Variants in SHANK2 observed in about 807,000 individuals in gnomAD.
The protein encoded by SHANK2 is SH3 and multiple ankyrin repeat domains protein 2.
A neutral mutation model predicts 133.7 loss-of-function variants in SHANK2; 43 were observed. The ratio of observed to expected loss-of-function variants is 0.32; its 90% CI spans 0.25 to 0.41. The LOEUF (loss-of-function observed/expected upper bound fraction) is 0.41, where lower values mean the gene tolerates loss of function less well. SHANK2 is among the 10% of genes least tolerant of loss of function. SHANK2 has a pLI of 1.00. For missense variants in SHANK2, 1,994 were observed against 2,235.8 expected (o/e 0.89, Z 2.18); for synonymous variants, 1,017 against 952.8 (o/e 1.07, Z -1.24).
intron 10 of SHANK2, among the ~76,000 whole-genome samples, chr11:70,897,281 G>A (rs1555075889): frequency 6.6e-6 from 1 of 152,226 alleles, no homozygotes; most frequent in African/African-American, 2.4e-5. Context: ...CTCAGAAGGA[G>A]AGACCTTGGG....
At chr11:70,954,389 C>G (rs1440022062) in intron 10 of SHANK2, among the ~76,000 whole-genome samples, 7 of 152,352 alleles carry the variant, frequency 4.6e-5, no homozygotes, top group Admixed American at 4.6e-4. Flanking sequence ...AGAGGAACTG[C>G]AGAGTGCACA....
intron 15 of SHANK2, among the ~76,000 whole-genome samples, chr11:70,676,880 G>A (rs1191385078): frequency 6.6e-6 from 1 of 152,158 alleles, no homozygotes; most frequent in Non-Finnish European, 1.5e-5. Flanking sequence ...AGAAGATCTA[G>A]TCACAACCCC....
At chr11:70,750,363 C>T (rs539213631) in intron 14 of SHANK2, among the ~76,000 whole-genome samples, 20 of 152,266 alleles carry the variant, frequency 1.3e-4, no homozygotes, top group East Asian at 9.7e-4. Context: ...CCTGTGGTGG[C>T]GGAGGTTGGG....
rs782691540 is a variant in SHANK2, at chr11:70,492,375, C to G, written c.2399G>C (p.Arg800Pro). 2.5e-5 allele frequency: 41 copies of G among 1,612,946 alleles called. No homozygotes were observed. Among genetic ancestry groups the G allele is most frequent in the Non-Finnish European group, 2.7e-5 (32 of 1,180,030 alleles). ...VEPRVATIKQRPSSRCFPAGS... is the reference protein window; with the variant it reads ...VEPRVATIKQPPSSRCFPAGS... ...CGCCGGGAAGCACCGGCTGCTGGGC[C>G]GCTGCTTGATGGTCGCCACCCTCGG... The change falls in exon 22 of 26, where the codon CGG becomes CCG. Residue 800 changes from arginine to proline, a missense_variant. Coordinates refer to ENST00000601538, the MANE Select transcript of SHANK2 (RefSeq NM_012309.5).
chr11:71,090,836 G>A (rs1555093832), intron 8 of SHANK2, among the ~76,000 whole-genome samples: 1 of 152,150 alleles, frequency 6.6e-6, no homozygotes, highest in Non-Finnish European at 1.5e-5. Flanking sequence ...CCAGGGCAGT[G>A]TTCAGCGGGA....
chr11:70,780,205 C>A (rs1277597705), intron 14 of SHANK2, among the ~76,000 whole-genome samples: 2 of 152,140 alleles, frequency 1.3e-5, no homozygotes, highest in Non-Finnish European at 2.9e-5. Context: ...AAATTCCTTT[C>A]GTAGGGACAG....
intron 12 of SHANK2, among the ~76,000 whole-genome samples, chr11:70,812,124 T>C (rs1948293383): frequency 6.6e-6 from 1 of 152,244 alleles, no homozygotes; most frequent in African/African-American, 2.4e-5. Context: ...ACCTCACTGG[T>C]CCAGCTGGCA....
At chr11:71,110,925 C>T (rs547062651) in intron 5 of SHANK2, among the ~76,000 whole-genome samples, 6 of 152,344 alleles carry the variant, frequency 3.9e-5, no homozygotes, top group East Asian at 1.9e-4. Flanking sequence ...ATGAAGCCCT[C>T]GTGAATGGGA....
At chr11:71,229,779 A>G (rs1354301039) in intron 1 of SHANK2, among the ~76,000 whole-genome samples, 1 of 151,626 alleles carries the variant, frequency 6.6e-6, no homozygotes, top group East Asian at 1.9e-4. Context: ...AAAAAAAAAA[A>G]AAAGAAAAAG....
intron 10 of SHANK2, among the ~76,000 whole-genome samples, chr11:70,903,238 G>A (rs893081719): frequency 3.9e-5 from 6 of 151,992 alleles, no homozygotes; most frequent in Admixed American, 6.6e-5. Context: ...TTAGCTGTGC[G>A]TGGTGGCTGG....
At chr11:70,760,927 T>G (rs1367107048) in intron 14 of SHANK2, among the ~76,000 whole-genome samples, 1 of 152,138 alleles carries the variant, frequency 6.6e-6, no homozygotes, top group Non-Finnish European at 1.5e-5. Flanking sequence ...TTTGCAGGGC[T>G]TCAATGCAGG....
intron 17 of SHANK2, among the ~76,000 whole-genome samples, chr11:70,561,811 A>G (rs1367276500): frequency 1.3e-5 from 2 of 152,148 alleles, no homozygotes; most frequent in Non-Finnish European, 2.9e-5. Context: ...TTGGGATTAC[A>G]GGAGTGAGCC....
rs540499225 is a variant in SHANK2 at position 70,843,769 on chromosome 11, T to C, written c.1175-23087A>G. On this transcript the variant is annotated intron_variant, in intron 11 of 25. Coordinates refer to ENST00000601538, the MANE Select transcript of SHANK2 (RefSeq NM_012309.5). The stretch of plus-strand genomic sequence containing the variant: ...GGGCTCTCTGCACACGGGAGACTGA[T>C]ACAGGGCTCAACCGATTCTTAGAGG... 1.1e-4 allele frequency among the ~76,000 whole-genome samples: 17 copies of C among 152,166 alleles called. No individual in the cohort carries two copies. In the East Asian group the frequency reaches 3.3e-3, roughly 30 times the overall value.
At position 71,147,243 on chromosome 11, in the gene SHANK2, G is replaced by A. The variant is rs1410224441; in HGVS notation, c.84C>T (p.Ser28=). Residue 28 remains serine (S), a synonymous_variant, in exon 3 of 26, where the codon TCC becomes TCT. Transcript: ENST00000601538. Reference sequence around the variant, plus strand: ...TCGTGTCATAGATGGTCTCTTCTTTGGAGCTGTCTGACTCCGACCCCACGG... The same window carrying A: ...TCGTGTCATAGATGGTCTCTTCTTTAGAGCTGTCTGACTCCGACCCCACGG... ...DYSVGSESDS[S]KEETIYDTIR... 36 of 1,550,832 alleles carry A rather than the reference G, an allele frequency of 2.3e-5. 1 individual carries two copies. The highest frequency in any genetic ancestry group is 3.1e-5 in the Non-Finnish European group (35 of 1,146,972).
chr11:70,727,264 A>C (rs909982021), intron 14 of SHANK2, among the ~76,000 whole-genome samples: 4 of 152,278 alleles, frequency 2.6e-5, no homozygotes, highest in African/African-American at 9.6e-5. Context: ...TTTAAAGTGC[A>C]AGGTAGCCGG....
intron 17 of SHANK2, among the ~76,000 whole-genome samples, chr11:70,549,149 G>A (rs1474798578): frequency 6.6e-6 from 1 of 152,144 alleles, no homozygotes; most frequent in Non-Finnish European, 1.5e-5. Flanking sequence ...ACACGGGGGC[G>A]CTCGACGTGA....
At position 70,648,267 on chromosome 11, in the gene SHANK2, TG is replaced by T. The variant is rs554279499; in HGVS notation, c.2061+11560del. On this transcript the variant is annotated intron_variant, in intron 17 of 25. Transcript: ENST00000601538. Reference sequence around the variant, plus strand: ...GAGGGAGATGGAGAGTGAGTGCTAATGGGTTTGATGGTAAATTTTATGGTCT... The same window carrying T: ...GAGGGAGATGGAGAGTGAGTGCTAATGGTTTGATGGTAAATTTTATGGTCT... 3.3e-3 allele frequency among the ~76,000 whole-genome samples: 508 copies of T among 152,194 alleles called. 5 individuals are homozygous for T. Among genetic ancestry groups the T allele is most frequent in the African/African-American group, 0.012 (491 of 41,518 alleles).
intron 9 of SHANK2, among the ~76,000 whole-genome samples, chr11:71,061,540 T>G (rs1049576823): frequency 2.0e-5 from 3 of 152,170 alleles, no homozygotes; most frequent in Admixed American, 2.0e-4. Context: ...GATACCGGGC[T>G]TAGTGGCAGC....
chr11:71,058,709 A>G (rs1950950717), intron 9 of SHANK2, among the ~76,000 whole-genome samples: 1 of 152,210 alleles, frequency 6.6e-6, no homozygotes, highest in Non-Finnish European at 1.5e-5. Flanking sequence ...AGTCTAGTGT[A>G]CAGACAACAG....
Sources: gnomAD v4.1 joint callset for allele counts (sites outside exome capture counted in the v4.1 genomes callset) on GRCh38, gnomAD v4.1.1 for gene constraint, MANE v1.5 for transcripts, NCBI Gene and HGNC (gene_info 2026-07-23, HGNC 2026-07-21) for gene names.